Variants in CRPPA observed in about 807,000 individuals in gnomAD.
CRPPA encodes D-ribitol-5-phosphate cytidylyltransferase.
CRPPA carries 43 observed loss-of-function variants against 52.0 expected under a neutral mutation model. That is an observed-to-expected ratio of 0.83 (90% CI 0.65 to 1.07). CRPPA has a LOEUF of 1.07. Ranked by LOEUF, CRPPA falls within the 50% of genes least tolerant of loss-of-function variation. The pLI, the probability that CRPPA is intolerant of heterozygous loss-of-function variation, is 0.00. For missense variants in CRPPA, 629 were observed against 551.7 expected, an observed-to-expected ratio of 1.14 and a Z score of -1.40; for synonymous variants, 250 against 203.5, an observed-to-expected ratio of 1.23 and a Z score of -1.94.
At chr7:16,290,006 C>A (rs1784527648) in intron 5 of CRPPA, among the ~76,000 whole-genome samples, 1 of 152,070 alleles carries the variant, frequency 6.6e-6, no homozygotes. Flanking sequence ...AAAAATCAGT[C>A]ATATTTTCAT....
intron 8 of CRPPA, among the ~76,000 whole-genome samples, chr7:16,240,291 C>G (rs975895233): frequency 1.3e-5 from 2 of 150,882 alleles, no homozygotes. Context: ...GCAGGAAATA[C>G]CTGAGACTTA....
chr7:16,155,697 T>G (rs915859167), intron 9 of CRPPA, among the ~76,000 whole-genome samples: 3 of 150,538 alleles, frequency 2.0e-5, no homozygotes, highest in Admixed American at 6.6e-5. Context: ...ATAGACTGTT[T>G]GTGTTATCGA....
chr7:16,229,934 C>T (rs1782749560), intron 8 of CRPPA, among the ~76,000 whole-genome samples: 1 of 151,782 alleles, frequency 6.6e-6, no homozygotes. Context: ...GTTTTTTTTC[C>T]CCCTTTTCAG....
At chr7:16,205,094 C>G (rs757287408) in intron 9 of CRPPA, among the ~76,000 whole-genome samples, 1 of 152,176 alleles carries the variant, frequency 6.6e-6, no homozygotes, top group Non-Finnish European at 1.5e-5. Context: ...AAACAACTGT[C>G]CCACAGGCAG....
intron 9 of CRPPA, among the ~76,000 whole-genome samples, chr7:16,122,948 A>G (rs1782506503): frequency 1.3e-5 from 2 of 152,064 alleles, no homozygotes; most frequent in Admixed American, 1.3e-4. Flanking sequence ...CTCATGAGTT[A>G]TATGGCATAT....
chr7:16,380,584 C>A (rs1787056810), intron 2 of CRPPA, among the ~76,000 whole-genome samples: 1 of 152,088 alleles, frequency 6.6e-6, no homozygotes, highest in Non-Finnish European at 1.5e-5. Flanking sequence ...CTTCCTTGTA[C>A]CTCTGGTAGA....
intron 2 of CRPPA, among the ~76,000 whole-genome samples, chr7:16,381,162 A>G (rs906234158): frequency 1.3e-5 from 2 of 152,162 alleles, no homozygotes; most frequent in African/African-American, 4.8e-5. Context: ...ACTGCTTTGA[A>G]TGAGTCCCAC....
chr7:16,226,254 A>C (rs1583446532), intron 8 of CRPPA, among the ~76,000 whole-genome samples: 1 of 151,996 alleles, frequency 6.6e-6, no homozygotes, highest in South Asian at 2.1e-4. Flanking sequence ...TGTCATTAAA[A>C]ATGTGAAAAT....
intron 8 of CRPPA, among the ~76,000 whole-genome samples, chr7:16,241,031 C>T (rs1057102727): frequency 5.3e-5 from 8 of 151,960 alleles, no homozygotes; most frequent in African/African-American, 1.9e-4. Context: ...TTCATGAGAA[C>T]ATAAAAATAA....
At chr7:16,320,008 C>G (rs1250963121) in intron 3 of CRPPA, among the ~76,000 whole-genome samples, 1 of 152,176 alleles carries the variant, frequency 6.6e-6, no homozygotes, top group Non-Finnish European at 1.5e-5. Context: ...CTTGCCCCAA[C>G]TATTTGCTTG....
chr7:16,218,814 G>C (rs1782412609), intron 8 of CRPPA, among the ~76,000 whole-genome samples: 1 of 143,992 alleles, frequency 6.9e-6, no homozygotes, highest in Non-Finnish European at 1.5e-5. Context: ...GACCTACAAA[G>C]AGACTTAGAC....
intron 9 of CRPPA, among the ~76,000 whole-genome samples, chr7:16,104,189 A>G (rs1213804073): frequency 1.3e-5 from 2 of 152,208 alleles, no homozygotes; most frequent in African/African-American, 4.8e-5. Flanking sequence ...CATGAATTAC[A>G]ACCTGCAAAA....
intron 2 of CRPPA, among the ~76,000 whole-genome samples, chr7:16,397,771 C>A (rs192374835): frequency 6.6e-6 from 1 of 152,196 alleles, no homozygotes; most frequent in African/African-American, 2.4e-5. Context: ...GTGATTGGCA[C>A]GTGACCAACA....
rs571606316 is a variant in CRPPA, at chr7:16,267,732, CTAAG to C, written c.934-8724_934-8721del. 6.3e-3 allele frequency among the ~76,000 whole-genome samples: 950 copies of C among 151,862 alleles called. 4 individuals are homozygous for C. Among genetic ancestry groups the C allele is most frequent in the South Asian group, 0.016 (79 of 4,812 alleles). On this transcript the variant is annotated intron_variant, in intron 6 of 9. Transcript: ENST00000407010. Reference sequence around the variant, plus strand: ...TAAATGCATAAAGTTTTTATTTTTCCTAAGTAATAAAGATTCTGTCTAAATGTAC... The same window carrying C: ...TAAATGCATAAAGTTTTTATTTTTCCTAATAAAGATTCTGTCTAAATGTAC...
intron 3 of CRPPA, among the ~76,000 whole-genome samples, chr7:16,362,830 T>A (rs1173233589): frequency 1.3e-5 from 2 of 152,188 alleles, no homozygotes; most frequent in Admixed American, 6.5e-5. Context: ...ATTTTACTCT[T>A]CCTTTTTTTG....
chr7:16,305,788 G>A (rs1384799585), intron 4 of CRPPA, among the ~76,000 whole-genome samples: 2 of 152,208 alleles, frequency 1.3e-5, no homozygotes, highest in East Asian at 1.9e-4. Flanking sequence ...AGACTGAGGC[G>A]GGAGAATTGC....
intron 2 of CRPPA, among the ~76,000 whole-genome samples, chr7:16,388,875 C>G (rs950559843): frequency 2.6e-5 from 4 of 151,784 alleles, no homozygotes; most frequent in Non-Finnish European, 5.9e-5. Flanking sequence ...GACTCCATCT[C>G]AAACCAACAA....
chr7:16,331,667 C>T (rs2128430158), intron 3 of CRPPA, among the ~76,000 whole-genome samples: 1 of 152,048 alleles, frequency 6.6e-6, no homozygotes, highest in African/African-American at 2.4e-5. Context: ...AAGAAGGAAT[C>T]AAAAAGAAAT....
At chr7:16,192,589 T>C (rs1056978969) in intron 9 of CRPPA, among the ~76,000 whole-genome samples, 1 of 152,132 alleles carries the variant, frequency 6.6e-6, no homozygotes, top group East Asian at 1.9e-4. Flanking sequence ...TTACCTTAGT[T>C]TTGCCTGTTC....
Sources: allele counts gnomAD v4.1 joint callset (sites outside exome capture counted in the v4.1 genomes callset), GRCh38; gene constraint gnomAD v4.1.1; transcripts MANE v1.5; gene names NCBI Gene and HGNC (gene_info 2026-07-23, HGNC 2026-07-21).